Variants in ARHGAP32 observed in about 807,000 individuals in gnomAD.
ARHGAP32 encodes the protein rho GTPase-activating protein 32.
In ARHGAP32, 51 loss-of-function variants were observed where a neutral mutation model predicts 186.5. That is an observed-to-expected ratio of 0.27 (90% confidence interval 0.22 to 0.35). The LOEUF is 0.35. ARHGAP32 is among the 10% of genes least tolerant of loss of function. The pLI, the probability that ARHGAP32 is intolerant of heterozygous loss-of-function variation, is 1.00. For missense variants in ARHGAP32, 2,186 were observed against 2,623.5 expected, an observed-to-expected ratio of 0.83 and a Z score of 3.64; for synonymous variants, 950 against 964.3, an observed-to-expected ratio of 0.99 and a Z score of 0.27.
At chr11:129,252,494 C>G (rs1945198329) in intron 1 of ARHGAP32, among the ~76,000 whole-genome samples, 1 of 152,152 alleles carries the variant, frequency 6.6e-6, no homozygotes, top group African/African-American at 2.4e-5. Context: ...ATTAGCTCTT[C>G]TTCTTAACTA....
chr11:129,139,988 C>T (rs959696095), intron 2 of ARHGAP32, among the ~76,000 whole-genome samples: 3 of 152,014 alleles, frequency 2.0e-5, no homozygotes, highest in African/African-American at 7.3e-5. Flanking sequence ...ATAGAGGGTG[C>T]AAATGTAATT....
chr11:129,051,106 T>C (rs1220571924), intron 10 of ARHGAP32, among the ~76,000 whole-genome samples: 1 of 152,210 alleles, frequency 6.6e-6, no homozygotes, highest in Admixed American at 6.5e-5. Flanking sequence ...TAAACATACA[T>C]GTGCATGTGT....
At chr11:129,151,281 T>C (rs530909165) in intron 2 of ARHGAP32, among the ~76,000 whole-genome samples, 2 of 152,226 alleles carry the variant, frequency 1.3e-5, no homozygotes, top group South Asian at 4.1e-4. Context: ...ACAATAATAG[T>C]GGGGAAATTC....
intron 2 of ARHGAP32, among the ~76,000 whole-genome samples, chr11:129,135,345 A>G (rs1942912166): frequency 6.6e-6 from 1 of 152,214 alleles, no homozygotes; most frequent in Non-Finnish European, 1.5e-5. Context: ...AAAGATCACA[A>G]TAGAGAATTC....
At chr11:129,099,953 T>A (rs1941845554) in intron 5 of ARHGAP32, among the ~76,000 whole-genome samples, 1 of 152,154 alleles carries the variant, frequency 6.6e-6, no homozygotes, top group African/African-American at 2.4e-5. Flanking sequence ...CCAGGACTCG[T>A]TCCTGGATCC....
intron 1 of ARHGAP32, among the ~76,000 whole-genome samples, chr11:129,277,724 C>CAAG (rs1945549619): frequency 6.6e-6 from 1 of 152,198 alleles, no homozygotes; most frequent in African/African-American, 2.4e-5. Flanking sequence ...TATCCAATTC[C>CAAG]AAGAATGACT....
intron 1 of ARHGAP32, among the ~76,000 whole-genome samples, chr11:129,273,873 G>C (rs1195291031): frequency 2.6e-5 from 4 of 152,108 alleles, no homozygotes; most frequent in Admixed American, 6.6e-5. Flanking sequence ...TTTTCAAACA[G>C]AGACAAATTG....
At chr11:129,194,302 T>C (rs1266014901), upstream of ARHGAP32, among the ~76,000 whole-genome samples, 1 of 152,120 alleles carries the variant, frequency 6.6e-6, no homozygotes, top group African/African-American at 2.4e-5. Flanking sequence ...TTCATTCTGG[T>C]AGACATTATA....
At chr11:128,985,668 G>C (rs1235344076) in intron 15 of ARHGAP32, among the ~76,000 whole-genome samples, 3 of 151,926 alleles carry the variant, frequency 2.0e-5, no homozygotes, top group Admixed American at 1.3e-4. Context: ...CCCAAGTTTA[G>C]TCAGCCATCC....
chr11:129,090,287 ATG>A (rs1941536722), intron 6 of ARHGAP32, among the ~76,000 whole-genome samples: 1 of 152,242 alleles, frequency 6.6e-6, no homozygotes, highest in South Asian at 2.1e-4. Context: ...AATTTCAAGC[ATG>A]AGAACATTAG....
intron 1 of ARHGAP32, among the ~76,000 whole-genome samples, chr11:129,219,795 T>C (rs141900871): frequency 9.3e-4 from 141 of 152,202 alleles, no homozygotes; most frequent in Non-Finnish European, 1.9e-3. Context: ...AGTAGAGACA[T>C]GCTCCTACTT....
chr11:128,972,361 G>A, intron 22 of ARHGAP32, 92 bp downstream of exon 22: 2 of 1,387,588 alleles, frequency 1.4e-6, no homozygotes, highest in Non-Finnish European at 1.9e-6. Flanking sequence ...TAATTGTTGT[G>A]TCTGACTCAA....
chr11:129,030,302 A>C (rs916768220), intron 11 of ARHGAP32, among the ~76,000 whole-genome samples: 1 of 152,224 alleles, frequency 6.6e-6, no homozygotes, highest in African/African-American at 2.4e-5. Flanking sequence ...AAAGTGTTGG[A>C]AACTGAAAAA....
chr11:128,996,257 TTTG>T (rs1446262621), intron 12 of ARHGAP32, among the ~76,000 whole-genome samples: 1 of 151,948 alleles, frequency 6.6e-6, no homozygotes, highest in African/African-American at 2.4e-5. Flanking sequence ...CAGTTTAATG[TTTG>T]TATCTATTCT....
intron 11 of ARHGAP32, among the ~76,000 whole-genome samples, chr11:129,035,931 G>T (rs543637467): frequency 6.6e-6 from 1 of 152,242 alleles, no homozygotes; most frequent in Non-Finnish European, 1.5e-5. Context: ...GGTACGCTAG[G>T]TTTTTCTTGG....
intron 1 of ARHGAP32, among the ~76,000 whole-genome samples, chr11:129,238,606 G>C (rs1314605456): frequency 6.6e-6 from 1 of 152,062 alleles, no homozygotes; most frequent in Non-Finnish European, 1.5e-5. Flanking sequence ...AATTGGGTGT[G>C]GTGGCACGCA....
At chr11:129,108,535 G>A (rs2135329247) in intron 5 of ARHGAP32, among the ~76,000 whole-genome samples, 1 of 152,274 alleles carries the variant, frequency 6.6e-6, no homozygotes, top group African/African-American at 2.4e-5. Context: ...AAAAGCACTA[G>A]TTGAGTTCAA....
At chr11:129,200,702 T>C (rs1480091441) in intron 1 of ARHGAP32, among the ~76,000 whole-genome samples, 3 of 152,052 alleles carry the variant, frequency 2.0e-5, no homozygotes, top group Non-Finnish European at 4.4e-5. Flanking sequence ...ATCTCTAAAA[T>C]AGAAAAAATA....
At chr11:129,220,822 T>C (rs959352213) in intron 1 of ARHGAP32, among the ~76,000 whole-genome samples, 1 of 152,222 alleles carries the variant, frequency 6.6e-6, no homozygotes, top group Admixed American at 6.5e-5. Context: ...CTCCAAGTTA[T>C]ATTTTATTCA....
Sources: gnomAD v4.1 joint callset for allele counts (sites outside exome capture counted in the v4.1 genomes callset) on GRCh38, gnomAD v4.1.1 for gene constraint, MANE v1.5 for transcripts, NCBI Gene and HGNC (gene_info 2026-07-23, HGNC 2026-07-21) for gene names.